DIP2A: variants seen among roughly 807,000 people sequenced by gnomAD.
The protein encoded by DIP2A is disco-interacting protein 2 homolog A.
Under a neutral mutation model 177.4 loss-of-function variants are expected in DIP2A, and 85 were observed. The observed-to-expected ratio is 0.48, with a 90% CI of 0.40 to 0.57. The LOEUF is 0.57. Among genes scored for constraint, DIP2A ranks in the 20% least tolerant of loss-of-function variants. The pLI is 0.00. For missense variants in DIP2A, 1,791 were observed against 2,100.2 expected, an observed-to-expected ratio of 0.85 and a Z score of 2.88; for synonymous variants, 886 against 881.8, an observed-to-expected ratio of 1.00 and a Z score of -0.08.
chr21:46,472,003 GTC>G (rs1366299440), intron 1 of DIP2A, among the ~76,000 whole-genome samples: 1 of 152,194 alleles, frequency 6.6e-6, no homozygotes, highest in Non-Finnish European at 1.5e-5. Flanking sequence ...TTTAAATTAA[GTC>G]TCTGAAACAA....
chr21:46,509,137 C>G, intron 6 of DIP2A, 120 bp from the exon 7 acceptor site: 2 of 1,134,164 alleles, frequency 1.8e-6, no homozygotes, highest in Non-Finnish European at 2.3e-6. Flanking sequence ...CAGTGGGGCC[C>G]ACACTTGGAT....
intron 1 of DIP2A, among the ~76,000 whole-genome samples, chr21:46,475,852 G>T (rs1241097413): frequency 1.3e-5 from 2 of 152,066 alleles, no homozygotes; most frequent in African/African-American, 4.8e-5. Flanking sequence ...TGAAACAATC[G>T]ATAGTGTTTT....
Position 46,489,544 on chromosome 21 carries a change from C to T in DIP2A, c.164-1056C>T, listed in dbSNP as rs112026007. ...TGCACAGAGCCAGGTAGAGCCGTGT[C>T]GCCTTTCACGACTAGCCTTGGAAGT... On this transcript the variant is annotated intron_variant, in intron 2 of 37. Coordinates refer to ENST00000417564, the MANE Select transcript of DIP2A (RefSeq NM_015151.4). Among the ~76,000 whole-genome samples the T allele has an allele frequency of 1.7e-3, 264 of 152,210 alleles. 3 individuals carry two copies. The highest frequency in any genetic ancestry group is 5.9e-3 in the African/African-American group (246 of 41,530).
intron 32 of DIP2A, among the ~76,000 whole-genome samples, chr21:46,559,823 G>A (rs1025463540): frequency 1.3e-5 from 2 of 152,118 alleles, no homozygotes; most frequent in African/African-American, 4.8e-5. Flanking sequence ...TGCCTCCTTG[G>A]CCTCTGTCAG....
At chr21:46,534,233 T>A in intron 12 of DIP2A, 120 bp downstream of exon 12, 1 of 764,822 alleles carries the variant, frequency 1.3e-6, no homozygotes, top group Non-Finnish European at 2.1e-6. Context: ...GAGTTCTTGT[T>A]TTATCTCTGC....
At position 46,511,860 on chromosome 21, in the gene DIP2A, G is replaced by T. The variant is rs369198343; in HGVS notation, c.1102+246G>T. Among the ~76,000 whole-genome samples the T allele has an allele frequency of 9.9e-5, 15 of 152,250 alleles. No homozygotes were observed. In the East Asian group the frequency reaches 2.5e-3, roughly 25 times the overall value. ...CTATGTATGCATTCTGAACAGTGTAGTTTAGTTTCGTCTTATTTTCAACTT... is the reference window on the plus strand; with the variant it reads ...CTATGTATGCATTCTGAACAGTGTATTTTAGTTTCGTCTTATTTTCAACTT... On this transcript the variant is annotated intron_variant, in intron 8 of 37. Transcript: ENST00000417564.
chr21:46,521,194 C>CTT (rs938820862), intron 8 of DIP2A, among the ~76,000 whole-genome samples: 3 of 151,280 alleles, frequency 2.0e-5, no homozygotes, highest in Non-Finnish European at 4.4e-5. Context: ...GTTTTCTTTT[C>CTT]TTTTTTTTTC....
rs2060919820 is a variant in DIP2A at position 46,569,383 on chromosome 21, G to A, written c.*1761G>A. ...ATACTGGAATTCTAATAATCCTGTTGTAAGTATGTACAGAATCTATGTAAC... is the reference window on the plus strand; with the variant it reads ...ATACTGGAATTCTAATAATCCTGTTATAAGTATGTACAGAATCTATGTAAC... On this transcript the variant is annotated 3_prime_UTR_variant, in exon 38 of 38. Coordinates refer to ENST00000417564, the MANE Select transcript of DIP2A (RefSeq NM_015151.4). 6.6e-6 allele frequency: 1 copy of A among 151,646 alleles called. No homozygotes were observed. 9.4% of individuals were successfully genotyped at this position (151,646 alleles called of 1,614,324 possible).
At chr21:46,561,230 G>A (rs2060652968) in intron 33 of DIP2A, 4 of 277,972 alleles carry the variant, frequency 1.4e-5, no homozygotes, top group Non-Finnish European at 2.7e-5. Flanking sequence ...GATAGGGACA[G>A]ATAGAAGACA....
At chr21:46,573,806 A>C (rs2060980277), downstream of DIP2A, among the ~76,000 whole-genome samples, 1 of 152,146 alleles carries the variant, frequency 6.6e-6, no homozygotes, top group African/African-American at 2.4e-5. Context: ...AAGATGTAAC[A>C]ATTGTAAACA....
At chr21:46,582,656 TGA>T in the DIP2A span, among the ~76,000 whole-genome samples, 22 of 152,180 alleles carry the variant, frequency 1.4e-4, no homozygotes, top group African/African-American at 5.3e-4. Flanking sequence ...TCAGTCTCAA[TGA>T]GAGAACCTGG....
intron 18 of DIP2A, among the ~76,000 whole-genome samples, chr21:46,542,313 C>T (rs2059851964): frequency 6.6e-6 from 1 of 152,176 alleles, no homozygotes; most frequent in Non-Finnish European, 1.5e-5. Context: ...CACTGTGTTC[C>T]AGGCACAGGC....
chr21:46,546,237 G>A, intron 20 of DIP2A: 1 of 1,263,188 alleles, frequency 7.9e-7, no homozygotes, highest in Admixed American at 3.6e-5. Context: ...AGGTTTGTGA[G>A]TATTCATTAT....
chr21:46,581,199 T>TGGATTAAAAGAACCAGATAGTA, the DIP2A span, among the ~76,000 whole-genome samples: 1 of 152,246 alleles, frequency 6.6e-6, no homozygotes, highest in African/African-American at 2.4e-5. Flanking sequence ...AAGATAGTCT[T>TGGATTAAAAGAACCAGATAGTA]CAAGCTCTGA....
intron 19 of DIP2A, 66 bp from the exon 20 acceptor site, chr21:46,545,815 C>G: frequency 6.3e-7 from 1 of 1,580,268 alleles, no homozygotes; most frequent in East Asian, 2.3e-5. Context: ...CTGCCGCCTG[C>G]TGGGTCTTTT....
intron 1 of DIP2A, chr21:46,463,073 C>G (rs1408306628): frequency 6.6e-6 from 1 of 152,192 alleles, no homozygotes; most frequent in Non-Finnish European, 1.5e-5. Flanking sequence ...TAGGAGTCTG[C>G]TTCAGATTAA....
In DIP2A at chr21:46,567,488, G is replaced by T. The variant is rs375762789; in HGVS notation, c.4582G>T (p.Val1528Phe). The T allele has an allele frequency of 2.5e-6, 4 of 1,613,978 alleles. No individual in the cohort carries two copies. The highest frequency in any genetic ancestry group is 3.4e-6 in the Non-Finnish European group (4 of 1,179,888). The change falls in exon 38 of 38, where the codon GTC becomes TTC. Residue 1528 changes from valine to phenylalanine, a missense_variant. Val to Phe is a conservative substitution (Grantham distance 50). Coordinates refer to ENST00000417564, the MANE Select transcript of DIP2A (RefSeq NM_015151.4). ...CGTGGTGCTGGAGGAGCACTACCTG[G>T]TCGTGGGAGTGGTGGTCATCGTGGA... ...TNVVLEEHYL[V>F]VGVVVIVDPG...
At chr21:46,463,503 C>A (rs760976316) in intron 1 of DIP2A, among the ~76,000 whole-genome samples, 8 of 152,148 alleles carry the variant, frequency 5.3e-5, no homozygotes, top group Admixed American at 1.3e-4. Flanking sequence ...TAGGTCTATT[C>A]CATAGCTTTA....
chr21:46,471,818 G>C (rs1004275480), intron 1 of DIP2A, among the ~76,000 whole-genome samples: 2 of 152,170 alleles, frequency 1.3e-5, no homozygotes, highest in Admixed American at 1.3e-4. Context: ...TCATGCGGGG[G>C]TTTCCTTTCA....
Sources: gnomAD v4.1 joint callset for allele counts (sites outside exome capture counted in the v4.1 genomes callset) on GRCh38, gnomAD v4.1.1 for gene constraint, MANE v1.5 for transcripts, NCBI Gene and HGNC (gene_info 2026-07-23, HGNC 2026-07-21) for gene names.